The following MC5R variants were observed in gnomAD, a reference collection of about 807,000 sequenced individuals.
The protein encoded by MC5R is melanocortin receptor 5.
For missense variants in MC5R, 420 were observed against 431.4 expected, an observed-to-expected ratio of 0.97 and a Z score of 0.23; for synonymous variants, 167 against 164.4, an observed-to-expected ratio of 1.02 and a Z score of -0.12.
chr18:13,825,480 A>G (rs2044922153), intron 1 of MC5R: 1 of 312,588 alleles, frequency 3.2e-6, no homozygotes, highest in African/African-American at 2.2e-5. Context: ...CTGTAGTACC[A>G]GCACTTTGGG....
At chr18:13,825,136 G>A (rs765541535) in intron 1 of MC5R, among the ~76,000 whole-genome samples, 1 of 152,230 alleles carries the variant, frequency 6.6e-6, no homozygotes. Flanking sequence ...GGTCTGGGCA[G>A]TCTTAAATCG....
chr18:13,825,973 C>A lies in MC5R; in HGVS notation c.208C>A (p.Pro70Thr). 1 of 1,614,140 alleles carries A rather than the reference C, an allele frequency of 6.2e-7. No individual in the cohort carries two copies. The highest frequency in any genetic ancestry group is 8.5e-7 in the Non-Finnish European group (1 of 1,180,004). The change falls in exon 2 of 2, where the codon CCC (proline) becomes ACC (threonine). Residue 70 changes from proline to threonine, a missense_variant. Physicochemically the swap from Pro to Thr is conservative, Grantham distance 38. Transcript: ENST00000589410. Reference protein sequence around the residue: ...AIVKNKNLHSPMYFFVCSLAV... With the variant: ...AIVKNKNLHSTMYFFVCSLAV... Reference sequence around the variant, plus strand: ...AGTGAAGAACAAAAACCTGCACTCCCCCATGTACTTCTTCGTGTGCAGCCT... The same window carrying A: ...AGTGAAGAACAAAAACCTGCACTCCACCATGTACTTCTTCGTGTGCAGCCT...
At position 13,826,487 on chromosome 18, in the gene MC5R, CCATGCTGCTGGGCGT is replaced by C. The variant is rs1347230501; in HGVS notation, c.723_737del (p.Met242_Val246del). On this transcript the variant is annotated inframe_deletion, in exon 2 of 2. Transcript: ENST00000589410. ...AGCATGCAGGGCGCGGTCACCGTCACCATGCTGCTGGGCGTGTTTACCGTGTGCTGGGCCCCGTTC... is the reference window on the plus strand; with the variant it reads ...AGCATGCAGGGCGCGGTCACCGTCACGTTTACCGTGTGCTGGGCCCCGTTC... 1.2e-6 allele frequency: 2 copies of C among 1,613,674 alleles called. No individual in the cohort carries two copies. Among genetic ancestry groups the C allele is most frequent in the South Asian group, 2.2e-5 (2 of 91,076 alleles).
In MC5R at chr18:13,827,068, A is replaced by C. The variant is rs1401772222; in HGVS notation, c.*325A>C. On this transcript the variant is annotated 3_prime_UTR_variant, in exon 2 of 2. Transcript: ENST00000589410. ...GGGGAATGCACAGCACCCTCAGTGC[A>C]AGCCAGACATGATGAAACACGTATT... is the stretch of plus-strand genomic sequence containing the variant. 3 of 268,424 alleles carry C rather than the reference A, an allele frequency of 1.1e-5. No homozygotes were observed. In the East Asian group the frequency reaches 2.3e-4, roughly 21 times the overall value. 16.6% of individuals were successfully genotyped at this position (268,424 alleles called of 1,614,324 possible).
Position 13,826,717 on chromosome 18 carries a change from GC to G in MC5R, c.954del (p.Cys319AlafsTer37). The G allele has an allele frequency of 6.2e-7, 1 of 1,611,382 alleles. No individual in the cohort carries two copies. The highest frequency in any genetic ancestry group is 8.5e-7 in the Non-Finnish European group (1 of 1,178,960). Reference protein sequence around the residue: ...EIICCRGFRIACSFPRRD With the variant: ...EIICCRGFRIXCSFPRRD ...TATTTGCTGCCGTGGTTTCAGGATC[GC>G]CTGCAGCTTTCCCAGAAGGGATTAA... On this transcript the variant is annotated frameshift_variant, in exon 2 of 2. Coordinates refer to ENST00000589410, the MANE Select transcript of MC5R (RefSeq NM_005913.3). LOFTEE classifies it high-confidence loss of function.
rs11080687 is a variant in MC5R at position 13,827,092 on chromosome 18, T to G, written c.*349T>G. On this transcript the variant is annotated 3_prime_UTR_variant, in exon 2 of 2. Coordinates refer to ENST00000589410, the MANE Select transcript of MC5R (RefSeq NM_005913.3). ...CAAGCCAGACATGATGAAACACGTA[T>G]TGTGACGCGAAGAAAACCGTGATAT... 46,152 of 209,456 alleles carry G rather than the reference T, an allele frequency of 0.22. 5,427 individuals are homozygous for G. Among genetic ancestry groups the G allele is most frequent in the East Asian group, 0.38 (3,201 of 8,494 alleles). The allele number at this position is 209,456 out of a possible 1,614,324, so 13.0% of individuals were successfully genotyped here.
In MC5R at chr18:13,826,906, C is replaced by A; in HGVS notation, c.*163C>A. On this transcript the variant is annotated 3_prime_UTR_variant, in exon 2 of 2. Coordinates refer to ENST00000589410, the MANE Select transcript of MC5R (RefSeq NM_005913.3). ...TCTGTTCAGTTCCTGGTGATTATGT[C>A]CAACATGCAAGGGTTGCTTATCCAC... The A allele has an allele frequency of 1.5e-6, 1 of 688,072 alleles. No homozygotes were observed. Among genetic ancestry groups the A allele is most frequent in the Non-Finnish European group, 2.4e-6 (1 of 422,940 alleles). The allele number at this position is 688,072 out of a possible 1,614,324, so 42.6% of individuals were successfully genotyped here. A position where few individuals can be genotyped will look rare whatever the true frequency, so the allele number is the denominator to read the frequency against.
rs1433527461 is a variant in MC5R, at chr18:13,826,518, G to C, written c.753G>C (p.Trp251Cys). The C allele has an allele frequency of 8.7e-6, 14 of 1,613,748 alleles. No homozygotes were observed. The highest frequency in any genetic ancestry group is 1.3e-5 in the African/African-American group (1 of 74,888). ...TMLLGVFTVC[W>C]APFFLHLTLM... ...TGCTGGGCGTGTTTACCGTGTGCTG[G>C]GCCCCGTTCTTCCTTCATCTCACTT... The change falls in exon 2 of 2, where the codon TGG becomes TGC. Residue 251 changes from tryptophan to cysteine, a missense_variant. Physicochemically the swap from Trp to Cys is radical, Grantham distance 215. Transcript: ENST00000589410.
At position 13,826,987 on chromosome 18, in the gene MC5R, T is replaced by C; in HGVS notation, c.*244T>C. 6.7e-6 allele frequency: 3 copies of C among 449,946 alleles called. No individual in the cohort carries two copies. In the South Asian group the frequency reaches 1.2e-4, roughly 18 times the overall value. The allele number at this position is 449,946 out of a possible 1,614,324, so 27.9% of individuals were successfully genotyped here. On this transcript the variant is annotated 3_prime_UTR_variant, in exon 2 of 2. Transcript: ENST00000589410. ...TCCTTTTGTGTCCTATGGTTTCTACTGCTCCCACCCATTTCTGGGGGCCCC... is the reference window on the plus strand; with the variant it reads ...TCCTTTTGTGTCCTATGGTTTCTACCGCTCCCACCCATTTCTGGGGGCCCC...
chr18:13,826,370 T>C lies in MC5R; in HGVS notation c.605T>C (p.Val202Ala), dbSNP rs1372002016. 5 of 1,614,152 alleles carry C rather than the reference T, an allele frequency of 3.1e-6. No individual in the cohort carries two copies. Among genetic ancestry groups the C allele is most frequent in the Non-Finnish European group, 8.5e-7 (1 of 1,180,034 alleles). Residue 202 changes from valine (V) to alanine (A), a missense_variant, in exon 2 of 2, where the codon GTG becomes GCG. Val to Ala is a moderately conservative substitution (Grantham distance 64, BLOSUM62 0). Coordinates refer to ENST00000589410, the MANE Select transcript of MC5R (RefSeq NM_005913.3). ...TTCTTCGCTATGCTGTTCCTCCTGG[T>C]GTCTCTGTACATACACATGTTCCTC... ...SMFFAMLFLL[V>A]SLYIHMFLLA...
chr18:13,824,819 A>T (rs1242968044), intron 1 of MC5R, among the ~76,000 whole-genome samples: 2 of 143,024 alleles, frequency 1.4e-5, no homozygotes, highest in Admixed American at 6.9e-5. Context: ...TTTTTTTTTT[A>T]AATACTGTGC....
chr18:13,825,306 T>C (rs1210953652), intron 1 of MC5R, among the ~76,000 whole-genome samples: 2 of 151,992 alleles, frequency 1.3e-5, no homozygotes, highest in African/African-American at 4.8e-5. Context: ...CACTTGGAGG[T>C]GAGTGTCTCT....
Position 13,825,734 on chromosome 18 carries a change from G to A in MC5R, c.-32G>A, listed in dbSNP as rs1487899472. 4 of 1,528,760 alleles carry A rather than the reference G, an allele frequency of 2.6e-6. No individual in the cohort carries two copies. In the African/African-American group the frequency reaches 4.2e-5, roughly 16 times the overall value. 94.7% of individuals were successfully genotyped at this position (1,528,760 alleles called of 1,614,324 possible). On this transcript the variant is annotated 5_prime_UTR_variant, in exon 2 of 2. Coordinates refer to ENST00000589410, the MANE Select transcript of MC5R (RefSeq NM_005913.3). ...TTAAAACATGTTTTACAGTAAATTTGCTGCCAAGACAAGAGGTGTATTTCT... is the reference window on the plus strand; with the variant it reads ...TTAAAACATGTTTTACAGTAAATTTACTGCCAAGACAAGAGGTGTATTTCT...
chr18:13,825,683 G>T, intron 1 of MC5R, 44 bp from the exon 2 acceptor site: 5 of 1,252,422 alleles, frequency 4.0e-6, no homozygotes, highest in Non-Finnish European at 5.6e-6. Context: ...TCTTTGGTAG[G>T]CTGCTAACCT....
In MC5R at chr18:13,826,181, A is replaced by T; in HGVS notation, c.416A>T (p.Asp139Val). 6.2e-7 allele frequency: 1 copy of T among 1,614,114 alleles called. No individual in the cohort carries two copies. Among genetic ancestry groups the T allele is most frequent in the Non-Finnish European group, 8.5e-7 (1 of 1,180,034 alleles). Residue 139 changes from aspartate (D) to valine (V), a missense_variant, in exon 2 of 2, where the codon GAT becomes GTT. Coordinates refer to ENST00000589410, the MANE Select transcript of MC5R (RefSeq NM_005913.3). Reference sequence around the variant, plus strand: ...TGCAGCTTACTGGCCATTGCAGTGGATAGGTACGTCACCATCTTCTACGCC... The same window carrying T: ...TGCAGCTTACTGGCCATTGCAGTGGTTAGGTACGTCACCATCTTCTACGCC... ...SMCSLLAIAV[D>V]RYVTIFYALR...
At position 13,826,042 on chromosome 18, in the gene MC5R, A is replaced by G. The variant is rs1321611001; in HGVS notation, c.277A>G (p.Thr93Ala). Residue 93 changes from threonine to alanine, a missense_variant, in exon 2 of 2, where the codon ACC (threonine) becomes GCC (alanine). Physicochemically the swap from Thr to Ala is moderately conservative, Grantham distance 58. Transcript: ENST00000589410. ...GGTGAGCATGTCCAGTGCCTGGGAG[A>G]CCATCACCATCTACCTACTCAACAA... ...MLVSMSSAWE[T>A]ITIYLLNNKH... is the part of the protein sequence containing the mutation. 1 of 1,613,928 alleles carries G rather than the reference A, an allele frequency of 6.2e-7. No homozygotes were observed. Among genetic ancestry groups the G allele is most frequent in the African/African-American group, 1.3e-5 (1 of 74,870 alleles).
Position 13,826,585 on chromosome 18 carries a change from A to G in MC5R, c.820A>G (p.Met274Val), listed in dbSNP as rs780122966. 8 of 1,614,020 alleles carry G rather than the reference A, an allele frequency of 5.0e-6. No individual in the cohort carries two copies. Among genetic ancestry groups the G allele is most frequent in the African/African-American group, 1.3e-5 (1 of 74,976 alleles). Residue 274 changes from methionine to valine, a missense_variant, in exon 2 of 2, where the codon ATG becomes GTG. Physicochemically the swap from Met to Val is conservative, Grantham distance 21. Transcript: ENST00000589410. ...CPQNLYCSRFMSHFNMYLILI... is the reference protein window; with the variant it reads ...CPQNLYCSRFVSHFNMYLILI... ...TCAGAACCTCTACTGCTCTCGCTTCATGTCTCACTTCAATATGTACCTCAT... is the reference window on the plus strand; with the variant it reads ...TCAGAACCTCTACTGCTCTCGCTTCGTGTCTCACTTCAATATGTACCTCAT...
intron 1 of MC5R, among the ~76,000 whole-genome samples, chr18:13,824,994 A>G (rs2044919448): frequency 6.6e-6 from 1 of 152,134 alleles, no homozygotes. Flanking sequence ...TTAACATGTG[A>G]CTTTGCTCAG....
chr18:13,826,866 G>T lies in MC5R; in HGVS notation c.*123G>T, dbSNP rs879846254. 77 of 1,020,190 alleles carry T rather than the reference G, an allele frequency of 7.5e-5. No homozygotes were observed. The highest frequency in any genetic ancestry group is 1.0e-4 in the Non-Finnish European group (71 of 707,682). The allele number at this position is 1,020,190 out of a possible 1,614,324, so 63.2% of individuals were successfully genotyped here. A position where few individuals can be genotyped will look rare whatever the true frequency, so the allele number is the denominator to read the frequency against. ...TTTCTCTTTACCAGCTCAGACATGGGCCTAAGAGGCTCTCTCTGTTCAGTT... is the reference window on the plus strand; with the variant it reads ...TTTCTCTTTACCAGCTCAGACATGGTCCTAAGAGGCTCTCTCTGTTCAGTT... On this transcript the variant is annotated 3_prime_UTR_variant, in exon 2 of 2. Coordinates refer to ENST00000589410, the MANE Select transcript of MC5R (RefSeq NM_005913.3).
Sources: allele counts gnomAD v4.1 joint callset (sites outside exome capture counted in the v4.1 genomes callset), GRCh38; gene constraint gnomAD v4.1.1; transcripts MANE v1.5; gene names NCBI Gene and HGNC (gene_info 2026-07-23, HGNC 2026-07-21).